The following SPAG16 variants were observed in gnomAD, a reference collection of about 807,000 sequenced individuals.
The protein encoded by SPAG16 is sperm associated antigen 16, also known as sperm-associated antigen 16 protein.
SPAG16 carries 86 observed loss-of-function variants against 80.4 expected under a neutral mutation model. That is an observed-to-expected ratio of 1.07 (90% CI 0.90 to 1.28). SPAG16 has a LOEUF of 1.28. Among genes scored for constraint, SPAG16 ranks in the 50% most tolerant of loss-of-function variants. SPAG16 has a pLI of 0.00. For missense variants in SPAG16, 870 were observed against 765.3 expected (o/e 1.14, Z -1.61); for synonymous variants, 294 against 265.9 (o/e 1.11, Z -1.03).
chr2:213,718,128 C>T (rs1401998628), intron 10 of SPAG16, among the ~76,000 whole-genome samples: 1 of 24,824 alleles, frequency 4.0e-5, no homozygotes, highest in Non-Finnish European at 8.9e-5. Context: ...CCAGAATCTA[C>T]AAAGAACTTA....
chr2:213,985,205 C>G (rs2045945970), intron 12 of SPAG16, among the ~76,000 whole-genome samples: 1 of 152,036 alleles, frequency 6.6e-6, no homozygotes, highest in Non-Finnish European at 1.5e-5. Flanking sequence ...TCCCTAACAT[C>G]CATGTCAAGA....
At chr2:213,917,449 T>G (rs562068614) in intron 11 of SPAG16, among the ~76,000 whole-genome samples, 1 of 152,320 alleles carries the variant, frequency 6.6e-6, no homozygotes, top group East Asian at 1.9e-4. Flanking sequence ...TCTGATTTCT[T>G]TGAGCAGTGT....
chr2:214,101,203 T>A (rs2052997400), intron 13 of SPAG16, among the ~76,000 whole-genome samples: 1 of 152,228 alleles, frequency 6.6e-6, no homozygotes, highest in Non-Finnish European at 1.5e-5. Context: ...CTTTTACTAT[T>A]TTGAGGGAAC....
intron 5 of SPAG16, among the ~76,000 whole-genome samples, chr2:213,336,805 C>A (rs1490622815): frequency 6.6e-6 from 1 of 152,166 alleles, no homozygotes; most frequent in Non-Finnish European, 1.5e-5. Flanking sequence ...TCTTTTCTGC[C>A]TGCTGGCTCT....
intron 10 of SPAG16, among the ~76,000 whole-genome samples, chr2:213,521,995 G>A (rs753825846): frequency 1.4e-4 from 22 of 152,202 alleles, no homozygotes; most frequent in Non-Finnish European, 2.8e-4. Flanking sequence ...AGCCTTATAA[G>A]CAATAGTGTG....
chr2:213,511,873 AT>A (rs576806880), intron 10 of SPAG16, among the ~76,000 whole-genome samples: 330 of 151,886 alleles, frequency 2.2e-3, no homozygotes, highest in Non-Finnish European at 4.0e-3. Context: ...ACAAAAGCAT[AT>A]TTTTTTTCAA....
chr2:213,732,625 G>C (rs192805614), intron 10 of SPAG16, among the ~76,000 whole-genome samples: 2 of 152,150 alleles, frequency 1.3e-5, no homozygotes, highest in African/African-American at 4.8e-5. Context: ...TAGTTTAATG[G>C]GGATAGCATT....
chr2:213,286,838 A>T (rs1270006372), intron 1 of SPAG16, among the ~76,000 whole-genome samples: 2 of 152,212 alleles, frequency 1.3e-5, no homozygotes, highest in Non-Finnish European at 2.9e-5. Flanking sequence ...CTCAATTATG[A>T]AGAGTATGAA....
Position 214,132,921 on chromosome 2 carries a change from C to T in SPAG16, c.1594-16219C>T, listed in dbSNP as rs973057881. On this transcript the variant is annotated intron_variant, in intron 14 of 15. Transcript: ENST00000331683. ...CAGCCTGACCAACATGGAGAAACCC[C>T]GTCTCTACTAAAAATACAAAATTAG... Among the ~76,000 whole-genome samples, 155 of 151,928 alleles carry T rather than the reference C, an allele frequency of 1.0e-3. 1 individual carries two copies. The highest frequency in any genetic ancestry group is 3.2e-4 in the Non-Finnish European group (22 of 67,948).
chr2:214,036,674 A>G (rs1322808540), intron 13 of SPAG16, among the ~76,000 whole-genome samples: 3 of 152,202 alleles, frequency 2.0e-5, no homozygotes, highest in Non-Finnish European at 4.4e-5. Flanking sequence ...ATTATTTATA[A>G]TATATTCACT....
chr2:214,319,651 A>G lies in SPAG16; in HGVS notation c.1721-90489A>G, dbSNP rs528285111. On this transcript the variant is annotated intron_variant, in intron 15 of 15. Transcript: ENST00000331683. The stretch of plus-strand genomic sequence containing the variant: ...AAGATTATTTTTTTAAAGGAGCATC[A>G]GTGGTTTTGTTTTCCTGACCACAAT... Among the ~76,000 whole-genome samples the G allele has an allele frequency of 1.8e-4, 27 of 152,312 alleles. No homozygotes were observed. In the East Asian group the frequency reaches 4.2e-3, roughly 24 times the overall value.
intron 15 of SPAG16, among the ~76,000 whole-genome samples, chr2:214,243,133 G>T (rs1412197858): frequency 6.6e-6 from 1 of 152,062 alleles, no homozygotes; most frequent in African/African-American, 2.4e-5. Flanking sequence ...TAGAAACCTG[G>T]TTCAATGTCT....
chr2:214,205,434 C>G (rs2058116944), intron 15 of SPAG16, among the ~76,000 whole-genome samples: 1 of 152,024 alleles, frequency 6.6e-6, no homozygotes, highest in Non-Finnish European at 1.5e-5. Context: ...TCATAAGATC[C>G]TGAAAAACAT....
intron 10 of SPAG16, among the ~76,000 whole-genome samples, chr2:213,596,656 A>C (rs1258914670): frequency 6.6e-6 from 1 of 152,076 alleles, no homozygotes; most frequent in Non-Finnish European, 1.5e-5. Context: ...TCTAAGTGAA[A>C]CTCTATAATC....
At chr2:213,363,804 G>A (rs937503195) in intron 7 of SPAG16, among the ~76,000 whole-genome samples, 1 of 152,004 alleles carries the variant, frequency 6.6e-6, no homozygotes, top group Admixed American at 6.6e-5. Context: ...AGTGTACAAT[G>A]AGTATTCTTA....
intron 15 of SPAG16, among the ~76,000 whole-genome samples, chr2:214,333,877 C>G (rs575337082): frequency 1.3e-5 from 2 of 152,332 alleles, no homozygotes; most frequent in South Asian, 2.1e-4. Context: ...CCAGATTTCA[C>G]CATGTACTGC....
chr2:213,986,169 G>A (rs1210599788), intron 12 of SPAG16, among the ~76,000 whole-genome samples: 1 of 152,058 alleles, frequency 6.6e-6, no homozygotes, highest in Non-Finnish European at 1.5e-5. Flanking sequence ...CAAAGAGAAA[G>A]TGAGATTTGA....
chr2:214,191,720 A>G (rs2057669371), intron 15 of SPAG16, among the ~76,000 whole-genome samples: 1 of 121,736 alleles, frequency 8.2e-6, no homozygotes, highest in South Asian at 2.6e-4. Flanking sequence ...TCTCAAAAAA[A>G]AAAAAAGAAA....
intron 9 of SPAG16, among the ~76,000 whole-genome samples, chr2:213,412,148 CA>C (rs2069008272): frequency 6.6e-6 from 1 of 152,156 alleles, no homozygotes; most frequent in Admixed American, 6.5e-5. Context: ...CACCCTAACA[CA>C]TTCTGATCAC....
Sources: allele counts gnomAD v4.1 joint callset (sites outside exome capture counted in the v4.1 genomes callset), GRCh38; gene constraint gnomAD v4.1.1; transcripts MANE v1.5; gene names NCBI Gene and HGNC (gene_info 2026-07-23, HGNC 2026-07-21).